SPATA6: variants seen among roughly 807,000 people sequenced by gnomAD.
SPATA6 encodes the protein spermatogenesis-associated protein 6.
SPATA6 carries 56 observed loss-of-function variants against 65.3 expected under a neutral mutation model. The observed-to-expected ratio is 0.86, with a 90% CI of 0.69 to 1.07. The LOEUF is 1.07. Ranked by LOEUF, SPATA6 falls within the 50% of genes least tolerant of loss-of-function variation. The pLI is 0.00. For missense variants in SPATA6, 590 were observed against 594.8 expected, an observed-to-expected ratio of 0.99 and a Z score of 0.08; for synonymous variants, 199 against 213.2, an observed-to-expected ratio of 0.93 and a Z score of 0.58.
At chr1:48,319,988 C>G (rs1327053857) in intron 11 of SPATA6, among the ~76,000 whole-genome samples, 1 of 152,180 alleles carries the variant, frequency 6.6e-6, no homozygotes, top group African/African-American at 2.4e-5. Context: ...GCCTTAGTGT[C>G]ATGCCCCCAG....
At chr1:48,465,002 G>A (rs988440062) in intron 1 of SPATA6, among the ~76,000 whole-genome samples, 1 of 151,838 alleles carries the variant, frequency 6.6e-6, no homozygotes, top group Non-Finnish European at 1.5e-5. Context: ...GAAAAAATTA[G>A]AAAATGAAAA....
chr1:48,363,474 A>G (rs1011540914), intron 9 of SPATA6, among the ~76,000 whole-genome samples: 1 of 152,180 alleles, frequency 6.6e-6, no homozygotes, highest in Non-Finnish European at 1.5e-5. Context: ...CTATGAACTG[A>G]AAACACAATA....
the SPATA6 span, among the ~76,000 whole-genome samples, chr1:48,275,205 GCT>G: frequency 1.3e-5 from 2 of 152,180 alleles, no homozygotes; most frequent in South Asian, 4.1e-4. Flanking sequence ...CCGACACTGT[GCT>G]GAAGTTGCTT....
chr1:48,304,452 A>T (rs752094609), intron 12 of SPATA6, among the ~76,000 whole-genome samples: 4 of 152,202 alleles, frequency 2.6e-5, no homozygotes, highest in Non-Finnish European at 4.4e-5. Flanking sequence ...AGCACTTCTG[A>T]AAATGTAGTA....
intron 11 of SPATA6, among the ~76,000 whole-genome samples, chr1:48,336,010 A>G (rs1646049479): frequency 6.6e-6 from 1 of 152,074 alleles, no homozygotes; most frequent in Non-Finnish European, 1.5e-5. Context: ...CATACAATGC[A>G]CCAAAAAGCA....
chr1:48,323,360 T>C (rs1278601083), intron 11 of SPATA6, among the ~76,000 whole-genome samples: 1 of 146,450 alleles, frequency 6.8e-6, no homozygotes, highest in African/African-American at 2.5e-5. Flanking sequence ...TATGTGGGAG[T>C]TGAACAATGA....
At chr1:48,393,070 C>T (rs992753886) in intron 8 of SPATA6, among the ~76,000 whole-genome samples, 5 of 152,002 alleles carry the variant, frequency 3.3e-5, no homozygotes, top group African/African-American at 9.7e-5. Flanking sequence ...TTTCAGGCAA[C>T]AGTAATCAAT....
intron 11 of SPATA6, among the ~76,000 whole-genome samples, chr1:48,320,105 C>G (rs1353921929): frequency 6.6e-6 from 1 of 152,142 alleles, no homozygotes; most frequent in Non-Finnish European, 1.5e-5. Flanking sequence ...ACAACAGTCA[C>G]CACCATTGCT....
intron 11 of SPATA6, among the ~76,000 whole-genome samples, chr1:48,327,110 G>A (rs1396610063): frequency 6.6e-6 from 1 of 151,748 alleles, no homozygotes; most frequent in African/African-American, 2.4e-5. Flanking sequence ...TTTGACAAAG[G>A]ACTAGAATCC....
intron 9 of SPATA6, among the ~76,000 whole-genome samples, chr1:48,374,578 A>G (rs1647671134): frequency 6.6e-6 from 1 of 152,194 alleles, no homozygotes; most frequent in Admixed American, 6.5e-5. Flanking sequence ...ATTTTCTTCA[A>G]GACCTTCCCA....
chr1:48,440,205 G>A (rs1047164529), intron 3 of SPATA6, among the ~76,000 whole-genome samples: 4 of 152,086 alleles, frequency 2.6e-5, no homozygotes, highest in East Asian at 1.9e-4. Flanking sequence ...GCTGTAGGGG[G>A]AGGGTAATCT....
At chr1:48,436,917 T>TGC (rs1654995645) in intron 3 of SPATA6, 1 of 1,613,374 alleles carries the variant, frequency 6.2e-7, no homozygotes, top group African/African-American at 1.3e-5. Context: ...AAAGTGTGCT[T>TGC]GTCTCCAGTG....
Position 48,426,449 on chromosome 1 carries a change from T to C in SPATA6, c.239-13298A>G, listed in dbSNP as rs187221086. The stretch of plus-strand genomic sequence containing the variant: ...AAACCCAAGACACTAGGAAAAACTA[T>C]AGGGAATAGAATAAAACTTGAGCAG... On this transcript the variant is annotated intron_variant, in intron 3 of 12. Coordinates refer to ENST00000371847, the MANE Select transcript of SPATA6 (RefSeq NM_019073.4). Among the ~76,000 whole-genome samples the C allele has an allele frequency of 1.1e-3, 161 of 152,006 alleles. 3 individuals are homozygous for C. The East Asian group carries it at 0.021, about 20-fold the overall frequency.
rs71056669 is a variant in SPATA6 at position 48,442,717 on chromosome 1, T to TAAAA, written c.238+8831_238+8834dup. On this transcript the variant is annotated intron_variant, in intron 3 of 12. Coordinates refer to ENST00000371847, the MANE Select transcript of SPATA6 (RefSeq NM_019073.4). ...CAAAGAGAAAGAGAGATGGAAGTAGTAAAAAAAAAAAAAAAAAAAAAAAAA... is the reference window on the plus strand; with the variant it reads ...CAAAGAGAAAGAGAGATGGAAGTAGTAAAAAAAAAAAAAAAAAAAAAAAAAAAAA... Among the ~76,000 whole-genome samples the TAAAA allele has an allele frequency of 7.8e-4, 36 of 46,216 alleles. 6 individuals are homozygous for TAAAA. Among genetic ancestry groups the TAAAA allele is most frequent in the Non-Finnish European group, 1.2e-3 (33 of 26,532 alleles). The allele number at this position is 46,216 out of a possible 152,430, so 30.3% of individuals were successfully genotyped here.
intron 11 of SPATA6, among the ~76,000 whole-genome samples, chr1:48,309,666 G>T (rs1415062664): frequency 6.6e-6 from 1 of 152,056 alleles, no homozygotes; most frequent in African/African-American, 2.4e-5. Context: ...CCTATTCATT[G>T]TTTTCTCCAT....
At chr1:48,458,295 A>G (rs980895514) in intron 1 of SPATA6, among the ~76,000 whole-genome samples, 1 of 152,226 alleles carries the variant, frequency 6.6e-6, no homozygotes, top group Admixed American at 6.5e-5. Context: ...CAAAAGGTAT[A>G]GATTGGCAGA....
the SPATA6 span, among the ~76,000 whole-genome samples, chr1:48,288,163 G>T: frequency 6.6e-6 from 1 of 152,156 alleles, no homozygotes; most frequent in African/African-American, 2.4e-5. Context: ...CTTGGTTGTG[G>T]TGTATGATCC....
At chr1:48,338,529 T>C (rs2148754413) in intron 11 of SPATA6, among the ~76,000 whole-genome samples, 1 of 152,162 alleles carries the variant, frequency 6.6e-6, no homozygotes, top group South Asian at 2.1e-4. Flanking sequence ...GCTGAGACTA[T>C]AAAGGCTTTT....
intron 9 of SPATA6, among the ~76,000 whole-genome samples, chr1:48,371,470 CTACAT>C (rs1647280181): frequency 6.6e-6 from 1 of 152,148 alleles, no homozygotes; most frequent in Non-Finnish European, 1.5e-5. Context: ...AGAATACACA[CTACAT>C]TAGTCTACAC....
Sources: gnomAD v4.1 joint callset for allele counts (sites outside exome capture counted in the v4.1 genomes callset) on GRCh38, gnomAD v4.1.1 for gene constraint, MANE v1.5 for transcripts, NCBI Gene and HGNC (gene_info 2026-07-23, HGNC 2026-07-21) for gene names.